The following PTPRQ variants were observed in gnomAD, a reference collection of about 807,000 sequenced individuals.
PTPRQ encodes the protein protein tyrosine phosphatase receptor type Q.
In PTPRQ, 199 loss-of-function variants were observed where a neutral mutation model predicts 246.0. That is an observed-to-expected ratio of 0.81 (90% confidence interval 0.72 to 0.91). The LOEUF (loss-of-function observed/expected upper bound fraction) is 0.91, where lower values mean the gene tolerates loss of function less well. Among genes scored for constraint, PTPRQ ranks in the 40% least tolerant of loss-of-function variants. The pLI, the probability that PTPRQ is intolerant of heterozygous loss-of-function variation, is 0.00. For synonymous variants in PTPRQ, 869 were observed against 853.2 expected (o/e 1.02, Z -0.32); for missense variants, 2,624 against 2,528.4 (o/e 1.04, Z -0.81).
Position 80,468,874 on chromosome 12 carries a change from G to A in PTPRQ, c.1039+36G>A, listed in dbSNP as rs745780253. 11 of 1,534,028 alleles carry A rather than the reference G, an allele frequency of 7.2e-6. No individual in the cohort carries two copies. In the African/African-American group the frequency reaches 1.1e-4, roughly 15 times the overall value. ...ATTGGTTTTGTGTTTGCCTTTTGGAGTGAGAATAATAAAATATGTTACCAA... is the reference window on the plus strand; with the variant it reads ...ATTGGTTTTGTGTTTGCCTTTTGGAATGAGAATAATAAAATATGTTACCAA... On this transcript the variant is annotated intron_variant, in intron 7 of 44. Coordinates refer to ENST00000644991, the MANE Select transcript of PTPRQ (RefSeq NM_001145026.2).
Position 80,546,708 on chromosome 12 carries a change from G to C in PTPRQ, c.4015+11G>C. ...CAACCCAAGAATCAGGTTAGATACAGTTTTTGAGCCTAAAATGTTTCTTTT... is the reference window on the plus strand; with the variant it reads ...CAACCCAAGAATCAGGTTAGATACACTTTTTGAGCCTAAAATGTTTCTTTT... On this transcript the variant is annotated intron_variant, in intron 24 of 44. Transcript: ENST00000644991. 6.5e-7 allele frequency: 1 copy of C among 1,542,318 alleles called. No homozygotes were observed. Among genetic ancestry groups the C allele is most frequent in the South Asian group, 1.2e-5 (1 of 81,166 alleles).
Position 80,542,502 on chromosome 12 carries a change from A to AT in PTPRQ, c.3721+147dup, listed in dbSNP as rs34864634. ...CCTTACCATTATATTTACTTTGTTG[A>AT]TTTTTTTTTGCAATTTGAGCTTCAG... On this transcript the variant is annotated intron_variant, in intron 22 of 44. Coordinates refer to ENST00000644991, the MANE Select transcript of PTPRQ (RefSeq NM_001145026.2). 5.2e-3 allele frequency: 6,943 copies of AT among 1,330,252 alleles called. 180 individuals are homozygous for AT. The African/African-American group carries it at 0.074, about 14-fold the overall frequency. 82.4% of individuals were successfully genotyped at this position (1,330,252 alleles called of 1,614,324 possible).
intron 20 of PTPRQ, among the ~76,000 whole-genome samples, chr12:80,540,598 T>G (rs917304480): frequency 6.6e-6 from 1 of 152,108 alleles, no homozygotes; most frequent in African/African-American, 2.4e-5. Flanking sequence ...GGCAGTGACC[T>G]AAACTTCTGG....
chr12:80,448,227 T>G (rs1172921194), intron 3 of PTPRQ, among the ~76,000 whole-genome samples: 1 of 152,122 alleles, frequency 6.6e-6, no homozygotes, highest in Non-Finnish European at 1.5e-5. Context: ...CTTATTTTTG[T>G]ACACTGAATT....
intron 14 of PTPRQ, among the ~76,000 whole-genome samples, chr12:80,500,677 T>A (rs568028626): frequency 1.3e-5 from 2 of 152,174 alleles, no homozygotes; most frequent in South Asian, 4.1e-4. Context: ...TTTAATATAT[T>A]CTGTATCATA....
intron 38 of PTPRQ, among the ~76,000 whole-genome samples, chr12:80,654,457 G>A (rs1408585019): frequency 3.9e-5 from 6 of 152,116 alleles, no homozygotes; most frequent in African/African-American, 1.2e-4. Context: ...CATCCAGACT[G>A]TTTGCTTCAT....
chr12:80,647,553 T>C (rs956711100), intron 35 of PTPRQ, among the ~76,000 whole-genome samples: 3 of 152,130 alleles, frequency 2.0e-5, no homozygotes, highest in Non-Finnish European at 4.4e-5. Context: ...TTAACAAAGA[T>C]TGATTGTGGC....
At chr12:80,567,030 AC>A (rs1896999863) in intron 25 of PTPRQ, among the ~76,000 whole-genome samples, 1 of 152,206 alleles carries the variant, frequency 6.6e-6, no homozygotes, top group Non-Finnish European at 1.5e-5. Flanking sequence ...TTGTGTGTGC[AC>A]CTTAAAAGCT....
chr12:80,573,535 G>A (rs916175656), intron 25 of PTPRQ, among the ~76,000 whole-genome samples: 3 of 152,174 alleles, frequency 2.0e-5, no homozygotes, highest in East Asian at 1.9e-4. Context: ...TGTACAGAAT[G>A]TGCAGGTTTG....
chr12:80,634,822 CAG>C, intron 34 of PTPRQ, 121 bp from the exon 35 acceptor site: 1 of 1,382,972 alleles, frequency 7.2e-7, no homozygotes, highest in Non-Finnish European at 9.5e-7. Context: ...GCAACATATT[CAG>C]AGAGGTGATT....
intron 17 of PTPRQ, among the ~76,000 whole-genome samples, chr12:80,521,723 T>G (rs1375542995): frequency 6.6e-6 from 1 of 152,204 alleles, no homozygotes; most frequent in African/African-American, 2.4e-5. Flanking sequence ...TTGATCTATA[T>G]CTCTGTTTTG....
intron 25 of PTPRQ, among the ~76,000 whole-genome samples, chr12:80,553,593 T>C (rs1045404496): frequency 2.0e-5 from 3 of 152,120 alleles, no homozygotes; most frequent in Non-Finnish European, 1.5e-5. Context: ...CCAGGGATTA[T>C]TGGGTATTTT....
At chr12:80,596,614 C>G (rs753845914) in intron 26 of PTPRQ, among the ~76,000 whole-genome samples, 1 of 151,980 alleles carries the variant, frequency 6.6e-6, no homozygotes, top group Non-Finnish European at 1.5e-5. Context: ...TGAGAATCTT[C>G]TTTCTGTCCA....
Position 80,459,448 on chromosome 12 carries a change from G to A in PTPRQ, c.625G>A (p.Glu209Lys). Residue 209 changes from glutamate to lysine, a missense_variant, in exon 5 of 45, where the codon GAG (glutamate) becomes AAG (lysine). Transcript: ENST00000644991. ...AGTGAAAGATGTCTCAATCAGAGTA[G>A]AGGACATTTTGACTGGGAAATTGCC... ...IVVKDVSIRV[E>K]DILTGKLPEC... 2.5e-6 allele frequency: 1 copy of A among 398,446 alleles called. No homozygotes were observed. The allele number at this position is 398,446 out of a possible 1,614,324, so 24.7% of individuals were successfully genotyped here.
intron 17 of PTPRQ, among the ~76,000 whole-genome samples, chr12:80,530,983 G>C (rs959797550): frequency 1.3e-4 from 20 of 151,900 alleles, no homozygotes; most frequent in African/African-American, 4.8e-4. Flanking sequence ...TTGAGCCCAG[G>C]ATTCAAGTCC....
chr12:80,646,583 T>C (rs939600461), intron 35 of PTPRQ, among the ~76,000 whole-genome samples: 1 of 152,192 alleles, frequency 6.6e-6, no homozygotes, highest in African/African-American at 2.4e-5. Flanking sequence ...CTAGCCTGGA[T>C]GCAGGAGACA....
intron 43 of PTPRQ, among the ~76,000 whole-genome samples, chr12:80,676,125 A>T (rs1565854595): frequency 6.6e-6 from 1 of 152,116 alleles, no homozygotes. Context: ...AGACAGAAAA[A>T]TGACCACCCC....
intron 17 of PTPRQ, among the ~76,000 whole-genome samples, chr12:80,521,143 G>C (rs1895469388): frequency 6.6e-6 from 1 of 152,084 alleles, no homozygotes. Flanking sequence ...GTGTCTTTTG[G>C]CTGCATAAAT....
intron 32 of PTPRQ, among the ~76,000 whole-genome samples, chr12:80,621,664 C>T (rs934693942): frequency 6.6e-6 from 1 of 151,988 alleles, no homozygotes; most frequent in African/African-American, 2.4e-5. Context: ...ATCTAATTCA[C>T]TAGCATTTGC....
Sources: allele counts gnomAD v4.1 joint callset (sites outside exome capture counted in the v4.1 genomes callset), GRCh38; gene constraint gnomAD v4.1.1; transcripts MANE v1.5; gene names NCBI Gene and HGNC (gene_info 2026-07-23, HGNC 2026-07-21).